The following GLI3 variants were observed in gnomAD, a reference collection of about 807,000 sequenced individuals.
The protein encoded by GLI3 is transcription activator GLI3.
A neutral mutation model predicts 100.8 loss-of-function variants in GLI3; 20 were observed. The observed-to-expected ratio is 0.20, with a 90% CI of 0.14 to 0.29. The LOEUF (loss-of-function observed/expected upper bound fraction) is 0.29. Ranked by LOEUF, GLI3 falls within the 10% of genes least tolerant of loss-of-function variation. The pLI is 1.00. For missense variants in GLI3, 2,040 were observed against 2,128.5 expected, an observed-to-expected ratio of 0.96 and a Z score of 0.82; for synonymous variants, 938 against 860.5, an observed-to-expected ratio of 1.09 and a Z score of -1.58.
At chr7:42,113,304 A>G in intron 3 of GLI3, 1 of 604,830 alleles carries the variant, frequency 1.7e-6, no homozygotes, top group Non-Finnish European at 3.1e-6. Flanking sequence ...GGACCGACCA[A>G]AGCCCGCACA....
intron 7 of GLI3, among the ~76,000 whole-genome samples, chr7:42,037,147 AAAT>A (rs372305796): frequency 2.7e-4 from 41 of 152,156 alleles, no homozygotes; most frequent in African/African-American, 9.4e-4. Flanking sequence ...TCTCAAAAAA[AAAT>A]AATAATAATA....
chr7:42,261,753 T>C (rs189436670), intron 1 of GLI3, among the ~76,000 whole-genome samples: 127 of 152,332 alleles, frequency 8.3e-4, no homozygotes, highest in African/African-American at 3.0e-3. Flanking sequence ...GCAAAGAGGA[T>C]TGGCTTTGAT....
At chr7:42,155,586 C>T (rs1305281803) in intron 2 of GLI3, among the ~76,000 whole-genome samples, 2 of 152,064 alleles carry the variant, frequency 1.3e-5, no homozygotes, top group Non-Finnish European at 2.9e-5. Flanking sequence ...CACTGGAAAC[C>T]ATTTGCTCCA....
chr7:42,069,291 C>G (rs1185266300), intron 4 of GLI3, among the ~76,000 whole-genome samples: 1 of 152,180 alleles, frequency 6.6e-6, no homozygotes, highest in South Asian at 2.1e-4. Flanking sequence ...GGAGTATACA[C>G]CCTTTGAGTA....
At chr7:42,192,370 C>T (rs1276393823) in intron 2 of GLI3, among the ~76,000 whole-genome samples, 4 of 152,176 alleles carry the variant, frequency 2.6e-5, no homozygotes, top group African/African-American at 9.7e-5. Flanking sequence ...AGCTTCCTAA[C>T]AGAGTTCTGC....
chr7:42,004,449 A>G (rs185543422), intron 10 of GLI3, among the ~76,000 whole-genome samples: 159 of 152,332 alleles, frequency 1.0e-3, no homozygotes, highest in Non-Finnish European at 1.7e-3. Flanking sequence ...TTGATTGCAC[A>G]TAAAATAAAA....
At position 41,966,229 on chromosome 7, in the gene GLI3, C is replaced by A. The variant is rs1180124277; in HGVS notation, c.2844G>T (p.Met948Ile). Reference sequence around the variant, plus strand: ...GGCGCGTCTTCAGGCTCATCCTCTCCATGTTGGGCAGGGGCGTCGGCGGCG... The same window carrying A: ...GGCGCGTCTTCAGGCTCATCCTCTCAATGTTGGGCAGGGGCGTCGGCGGCG... ...GGPPPTPLPN[M>I]ERMSLKTRLA... Residue 948 changes from methionine to isoleucine, a missense_variant, in exon 15 of 15, where the codon ATG becomes ATT. Met to Ile is a conservative substitution (Grantham distance 10). This residue lies in a region of GLI3 where 1,041 missense variants were observed against 924.0 expected (regional missense o/e 1.13). Coordinates refer to ENST00000395925, the MANE Select transcript of GLI3 (RefSeq NM_000168.6). The surrounding 1 kb of genome is among the most constrained non-coding windows in gnomAD (Gnocchi z 5.8). 6.2e-7 allele frequency: 1 copy of A among 1,608,964 alleles called. No individual in the cohort carries two copies. Among genetic ancestry groups the A allele is most frequent in the Non-Finnish European group, 8.5e-7 (1 of 1,179,076 alleles).
At chr7:42,254,355 G>A (rs1047744535) in intron 1 of GLI3, among the ~76,000 whole-genome samples, 8 of 152,146 alleles carry the variant, frequency 5.3e-5, no homozygotes, top group Non-Finnish European at 2.9e-5. Flanking sequence ...TAGCGAAAGA[G>A]TGGCCAAAAA....
At chr7:42,141,218 C>T (rs895194994) in intron 3 of GLI3, among the ~76,000 whole-genome samples, 3 of 152,208 alleles carry the variant, frequency 2.0e-5, no homozygotes, top group African/African-American at 7.2e-5. Flanking sequence ...GGCAAACAAA[C>T]ATCATGCTCC....
chr7:42,180,392 C>G (rs1190777546), intron 2 of GLI3, among the ~76,000 whole-genome samples: 1 of 152,116 alleles, frequency 6.6e-6, no homozygotes, highest in African/African-American at 2.4e-5. Context: ...CTCCAATGGC[C>G]CTGTGAAAGA....
chr7:42,082,550 G>A lies in GLI3; in HGVS notation c.368-5693C>T, dbSNP rs144992601. 2.8e-3 allele frequency among the ~76,000 whole-genome samples: 428 copies of A among 152,216 alleles called. 1 individual carries two copies. Among genetic ancestry groups the A allele is most frequent in the African/African-American group, 9.7e-3 (401 of 41,544 alleles). ...AGAAGTGCTACCCCCACAGGGCCCCGCTGAGGACTTGCTGGGCAGAATCCC... is the reference window on the plus strand; with the variant it reads ...AGAAGTGCTACCCCCACAGGGCCCCACTGAGGACTTGCTGGGCAGAATCCC... On this transcript the variant is annotated intron_variant, in intron 3 of 14. Transcript: ENST00000395925.
chr7:42,025,976 G>A (rs1054971126), intron 8 of GLI3, among the ~76,000 whole-genome samples: 1 of 152,232 alleles, frequency 6.6e-6, no homozygotes, highest in Non-Finnish European at 1.5e-5. Context: ...CTGCTGCTAT[G>A]CCCATGGGAA....
In GLI3 at chr7:42,172,626, A is replaced by G. The variant is rs1306935112; in HGVS notation, c.125-24158T>C. The G allele has an allele frequency of 1.6e-5, 11 of 702,852 alleles. No individual in the cohort carries two copies. The East Asian group carries it at 3.0e-4, about 19-fold the overall frequency. 43.5% of individuals were successfully genotyped at this position (702,852 alleles called of 1,614,324 possible). On this transcript the variant is annotated intron_variant, in intron 2 of 14. Transcript: ENST00000395925. ...GTCGTTTGTGCAGCAGCAGGGATGG[A>G]CAGCGCGGATGCATCCAATCCTCCT...
Position 42,262,209 on chromosome 7 carries a change from T to TTCCTTCCTTCCTTCCTTCCTTCC in GLI3, c.-43+1784_-43+1785insGGAAGGAAGGAAGGAAGGAAGGA, listed in dbSNP as rs1186292634. 1.5e-3 allele frequency among the ~76,000 whole-genome samples: 162 copies of TTCCTTCCTTCCTTCCTTCCTTCC among 110,862 alleles called. 1 individual carries two copies. Among genetic ancestry groups the TTCCTTCCTTCCTTCCTTCCTTCC allele is most frequent in the South Asian group, 2.4e-3 (8 of 3,366 alleles). 72.7% of individuals were successfully genotyped at this position (110,862 alleles called of 152,430 possible). ...TTCTTTTATTTTTTTTCCTTCCTTC[T>TTCCTTCCTTCCTTCCTTCCTTCC]TTCCTTCCTTCCTTCTTTCCTTCCT... On this transcript the variant is annotated intron_variant, in intron 1 of 2. Transcript: ENST00000678978.
chr7:42,186,679 A>T lies in GLI3; in HGVS notation c.124+36451T>A, dbSNP rs143053431. The stretch of plus-strand genomic sequence containing the variant: ...GGCCCACAACATTTACAACAAATCC[A>T]GTTGCCTAAATAAACCTAGACAAAC... On this transcript the variant is annotated intron_variant, in intron 2 of 14. Transcript: ENST00000395925. Among the ~76,000 whole-genome samples, 892 of 152,326 alleles carry T rather than the reference A, an allele frequency of 5.9e-3. 7 individuals are homozygous for T. The highest frequency in any genetic ancestry group is 9.2e-3 in the Non-Finnish European group (627 of 68,034).
intron 2 of GLI3, among the ~76,000 whole-genome samples, chr7:42,187,210 CAA>C (rs5883817): frequency 0.065 from 7,570 of 116,794 alleles, 196 homozygotes; most frequent in Middle Eastern, 0.099. Context: ...GACCCTGTCT[CAA>C]AAAAAAAAAA....
chr7:42,081,632 C>T (rs551920512), intron 3 of GLI3, among the ~76,000 whole-genome samples: 10 of 152,098 alleles, frequency 6.6e-5, no homozygotes, highest in African/African-American at 2.2e-4. Context: ...AGAGAATAAC[C>T]GAGAAAGACA....
At chr7:42,140,803 T>C (rs1171966606) in intron 3 of GLI3, among the ~76,000 whole-genome samples, 1 of 152,126 alleles carries the variant, frequency 6.6e-6, no homozygotes, top group Non-Finnish European at 1.5e-5. Flanking sequence ...CATTCTTTAA[T>C]TATACAAGAA....
rs1787630585 is a variant in GLI3 at position 42,182,666 on chromosome 7, A to ATATATATATACATGTGTG, written c.125-34199_125-34198insCACACATGTATATATATA. ...TGTGTATATATATATATATATATAT[A>ATATATATATACATGTGTG]TATATATATATATATACACATGTGT... is the stretch of plus-strand genomic sequence containing the variant. On this transcript the variant is annotated intron_variant, in intron 2 of 14. Transcript: ENST00000395925. Among the ~76,000 whole-genome samples, 6 of 79,162 alleles carry ATATATATATACATGTGTG rather than the reference A, an allele frequency of 7.6e-5. 1 individual carries two copies. Among genetic ancestry groups the ATATATATATACATGTGTG allele is most frequent in the African/African-American group, 3.4e-4 (6 of 17,816 alleles). The allele number at this position is 79,162 out of a possible 152,430, so 51.9% of individuals were successfully genotyped here.
Sources: allele counts gnomAD v4.1 joint callset (sites outside exome capture counted in the v4.1 genomes callset), GRCh38; gene constraint gnomAD v4.1.1; regional missense constraint gnomAD v4.1.1; non-coding constraint Gnocchi (gnomAD v3.1); transcripts MANE v1.5; gene names NCBI Gene and HGNC (gene_info 2026-07-23, HGNC 2026-07-21).